CWC27: variants seen among roughly 807,000 people sequenced by gnomAD.
CWC27 encodes CWC27 spliceosome associated cyclophilin.
CWC27 carries 47 observed loss-of-function variants against 63.6 expected under a neutral mutation model. That is an observed-to-expected ratio of 0.74 (90% CI 0.58 to 0.94). The LOEUF (loss-of-function observed/expected upper bound fraction) is 0.94. Among genes scored for constraint, CWC27 ranks in the 40% least tolerant of loss-of-function variants. The pLI, the probability that CWC27 is intolerant of heterozygous loss-of-function variation, is 0.00. For missense variants in CWC27, 495 were observed against 554.3 expected, an observed-to-expected ratio of 0.89 and a Z score of 1.07; for synonymous variants, 175 against 179.8, an observed-to-expected ratio of 0.97 and a Z score of 0.22.
At chr5:64,836,710 G>A (rs544109444) in intron 10 of CWC27, among the ~76,000 whole-genome samples, 1 of 152,058 alleles carries the variant, frequency 6.6e-6, no homozygotes, top group South Asian at 2.1e-4. Context: ...AAATCTTACT[G>A]TTTAAATCAC....
intron 11 of CWC27, among the ~76,000 whole-genome samples, chr5:64,966,303 A>G (rs1377423544): frequency 6.6e-6 from 1 of 152,172 alleles, no homozygotes; most frequent in East Asian, 1.9e-4. Context: ...GACTTGTGCA[A>G]GAGTCTGTGA....
In CWC27 at chr5:64,998,103, G is replaced by A. The variant is rs71626565; in HGVS notation, c.1257-20056G>A. Among the ~76,000 whole-genome samples the A allele has an allele frequency of 5.4e-3, 821 of 152,100 alleles. 7 individuals carry two copies. Among genetic ancestry groups the A allele is most frequent in the Non-Finnish European group, 9.3e-3 (632 of 67,966 alleles). ...CCTCTTTTTCTTCCTTTTTCTTCAG[G>A]ATGAAGACAGCTCTTCTGTCTTAAC... On this transcript the variant is annotated intron_variant, in intron 13 of 13. Coordinates refer to ENST00000381070, the MANE Select transcript of CWC27 (RefSeq NM_005869.4).
At position 64,774,560 on chromosome 5, in the gene CWC27, A is replaced by G. The variant is rs552085896; in HGVS notation, c.43-131A>G. The G allele has an allele frequency of 9.0e-5, 45 of 498,820 alleles. 1 individual carries two copies. The South Asian group carries it at 1.6e-3, about 18-fold the overall frequency. 30.9% of individuals were successfully genotyped at this position (498,820 alleles called of 1,614,324 possible). ...TGACATTTTGTTGAGTATATCAACA[A>G]AAGCCAAACACAATTTTTAATATTT... On this transcript the variant is annotated intron_variant, in intron 1 of 13. Coordinates refer to ENST00000381070, the MANE Select transcript of CWC27 (RefSeq NM_005869.4).
At chr5:64,927,641 A>G (rs1186824944) in intron 11 of CWC27, among the ~76,000 whole-genome samples, 2 of 151,992 alleles carry the variant, frequency 1.3e-5, no homozygotes, top group South Asian at 2.1e-4. Flanking sequence ...GTCTGTCTGT[A>G]TCCTCTTGCT....
At chr5:64,992,041 G>A (rs759248692) in intron 13 of CWC27, among the ~76,000 whole-genome samples, 5 of 151,982 alleles carry the variant, frequency 3.3e-5, no homozygotes, top group Non-Finnish European at 5.9e-5. Flanking sequence ...ACTCTTCTAC[G>A]GGTAGTAGGA....
At chr5:64,940,279 C>T (rs1351751998) in intron 11 of CWC27, among the ~76,000 whole-genome samples, 3 of 152,258 alleles carry the variant, frequency 2.0e-5, no homozygotes, top group East Asian at 1.9e-4. Context: ...CTTTGGGTTG[C>T]GAAGACTGTG....
chr5:64,932,734 T>C (rs1748263654), intron 11 of CWC27, among the ~76,000 whole-genome samples: 1 of 152,200 alleles, frequency 6.6e-6, no homozygotes, highest in Admixed American at 6.5e-5. Context: ...CTTTACTCTG[T>C]CAGTATTGCT....
chr5:64,885,698 G>GGCGTGTGTGTGTGT (rs1554074479), intron 11 of CWC27, 152 bp downstream of exon 11: 1 of 256,780 alleles, frequency 3.9e-6, no homozygotes, highest in Non-Finnish European at 7.3e-6. Flanking sequence ...CTTGAGTTAG[G>GGCGTGTGTGTGTGT]GTGTGTGTGT....
intron 13 of CWC27, among the ~76,000 whole-genome samples, chr5:65,008,096 A>T (rs1749884182): frequency 1.3e-5 from 2 of 152,256 alleles, no homozygotes; most frequent in African/African-American, 4.8e-5. Context: ...GCAGGAACAC[A>T]ATTTGGTCCA....
chr5:64,983,049 A>G (rs1749357395), intron 13 of CWC27, among the ~76,000 whole-genome samples: 1 of 152,176 alleles, frequency 6.6e-6, no homozygotes, highest in Non-Finnish European at 1.5e-5. Context: ...TCCTGAAATC[A>G]ACAGCCCCTC....
At chr5:64,805,558 A>G (rs989548130) in intron 10 of CWC27, among the ~76,000 whole-genome samples, 1 of 151,822 alleles carries the variant, frequency 6.6e-6, no homozygotes, top group Non-Finnish European at 1.5e-5. Flanking sequence ...TTAAAAAATT[A>G]TGAATTTTTT....
intron 10 of CWC27, among the ~76,000 whole-genome samples, chr5:64,829,423 C>A (rs1745453759): frequency 6.6e-6 from 1 of 151,954 alleles, no homozygotes; most frequent in South Asian, 2.1e-4. Flanking sequence ...AATTTGGGAT[C>A]TGTTAGAACT....
At chr5:64,810,600 G>C (rs1032424540) in intron 10 of CWC27, among the ~76,000 whole-genome samples, 1 of 151,834 alleles carries the variant, frequency 6.6e-6, no homozygotes, top group Non-Finnish European at 1.5e-5. Flanking sequence ...TCAGCAGACA[G>C]ATCTTTTAGC....
At chr5:64,917,835 G>T (rs181105971) in intron 11 of CWC27, among the ~76,000 whole-genome samples, 2 of 152,174 alleles carry the variant, frequency 1.3e-5, no homozygotes, top group African/African-American at 4.8e-5. Flanking sequence ...AACTCAAACT[G>T]GAACTACATC....
intron 10 of CWC27, among the ~76,000 whole-genome samples, chr5:64,816,335 C>T (rs182871731): frequency 2.0e-5 from 3 of 152,310 alleles, no homozygotes; most frequent in Admixed American, 2.0e-4. Context: ...TTCCTTCCCT[C>T]TTACCAGAAT....
intron 1 of CWC27, among the ~76,000 whole-genome samples, chr5:64,770,306 T>C (rs1448537942): frequency 1.3e-5 from 2 of 152,132 alleles, no homozygotes; most frequent in East Asian, 3.9e-4. Context: ...ACCCCTCACC[T>C]ATCTTATTTA....
At chr5:64,848,998 AAG>A (rs1166283166) in intron 10 of CWC27, among the ~76,000 whole-genome samples, 1 of 152,204 alleles carries the variant, frequency 6.6e-6, no homozygotes, top group Non-Finnish European at 1.5e-5. Flanking sequence ...GCAGACAGCC[AAG>A]AGAAAGAAAT....
intron 10 of CWC27, among the ~76,000 whole-genome samples, chr5:64,837,378 T>C (rs1376948561): frequency 1.3e-5 from 2 of 152,216 alleles, no homozygotes; most frequent in East Asian, 1.9e-4. Context: ...TGCATAGTTT[T>C]AATTAACTTT....
intron 2 of CWC27, among the ~76,000 whole-genome samples, chr5:64,777,600 G>A (rs1365221622): frequency 6.6e-6 from 1 of 152,042 alleles, no homozygotes; most frequent in East Asian, 1.9e-4. Context: ...TAGAATGACA[G>A]CAATCAAATA....
Sources: allele counts gnomAD v4.1 joint callset (sites outside exome capture counted in the v4.1 genomes callset), GRCh38; gene constraint gnomAD v4.1.1; transcripts MANE v1.5; gene names NCBI Gene and HGNC (gene_info 2026-07-23, HGNC 2026-07-21).